The following DLG2 variants were observed in gnomAD, a reference collection of about 807,000 sequenced individuals.
The protein encoded by DLG2 is discs large MAGUK scaffold protein 2.
A neutral mutation model predicts 132.5 loss-of-function variants in DLG2; 45 were observed. That is an observed-to-expected ratio of 0.34 (90% CI 0.27 to 0.44). DLG2 has a LOEUF of 0.44. Among genes scored for constraint, DLG2 ranks in the 20% least tolerant of loss-of-function variants. The pLI is 1.00. For missense variants in DLG2, 1,045 were observed against 1,196.9 expected (o/e 0.87, Z 1.87); for synonymous variants, 424 against 419.6 (o/e 1.01, Z -0.13).
At chr11:85,203,901 A>C (rs1257707988) in intron 4 of DLG2, among the ~76,000 whole-genome samples, 1 of 152,100 alleles carries the variant, frequency 6.6e-6, no homozygotes, top group East Asian at 1.9e-4. Flanking sequence ...CAATCAACAT[A>C]ATACATCACA....
intron 3 of DLG2, among the ~76,000 whole-genome samples, chr11:85,497,159 C>A (rs543863036): frequency 3.2e-4 from 48 of 151,876 alleles, no homozygotes; most frequent in African/African-American, 1.1e-3. Context: ...TCTAACCCGT[C>A]GCAAGGAAGT....
intron 19 of DLG2, among the ~76,000 whole-genome samples, chr11:83,548,653 G>A (rs17522472): frequency 0.022 from 3,354 of 152,184 alleles, 73 homozygotes; most frequent in African/African-American, 0.055. Flanking sequence ...TTGAATCCCT[G>A]TAAACAGTTT....
chr11:85,240,088 G>T (rs1565202527), intron 4 of DLG2, among the ~76,000 whole-genome samples: 1 of 151,772 alleles, frequency 6.6e-6, no homozygotes, highest in Non-Finnish European at 1.5e-5. Context: ...TTCCCATCTA[G>T]AAGACTATAA....
intron 21 of DLG2, chr11:83,486,193 C>G: frequency 1.5e-6 from 1 of 682,262 alleles, no homozygotes; most frequent in East Asian, 2.7e-5. Context: ...ACTAAATATT[C>G]TTGCATCACT....
Position 84,687,934 on chromosome 11 carries a change from G to A in DLG2, c.358-153203C>T, listed in dbSNP as rs958554257. Among the ~76,000 whole-genome samples, 3 of 152,064 alleles carry A rather than the reference G, an allele frequency of 2.0e-5. No individual in the cohort carries two copies. The South Asian group carries it at 6.2e-4, about 32-fold the overall frequency. ...CAGATGCAAATAAAATACCAGGTGG[G>A]TTCCACAGTACTGCATTTAAGTACT... On this transcript the variant is annotated intron_variant, in intron 6 of 27. Coordinates refer to ENST00000376104, the MANE Select transcript of DLG2 (RefSeq NM_001142699.3).
intron 6 of DLG2, among the ~76,000 whole-genome samples, chr11:84,832,810 T>C (rs560787899): frequency 2.6e-5 from 4 of 151,614 alleles, no homozygotes; most frequent in Admixed American, 1.3e-4. Context: ...CAGAAAGCAA[T>C]TCCCCCCTCC....
At chr11:85,264,671 A>T (rs1449567647) in intron 4 of DLG2, among the ~76,000 whole-genome samples, 1 of 152,136 alleles carries the variant, frequency 6.6e-6, no homozygotes, top group African/African-American at 2.4e-5. Flanking sequence ...ACAGCACCGT[A>T]TCCACATGGA....
chr11:84,222,496 T>G (rs892248633), intron 8 of DLG2, among the ~76,000 whole-genome samples: 4 of 152,250 alleles, frequency 2.6e-5, no homozygotes, highest in Non-Finnish European at 5.9e-5. Context: ...GGCTATAAAA[T>G]GTCGATTTTC....
intron 3 of DLG2, among the ~76,000 whole-genome samples, chr11:85,340,494 G>T (rs1472263385): frequency 6.6e-6 from 1 of 152,010 alleles, no homozygotes; most frequent in African/African-American, 2.4e-5. Flanking sequence ...TGTTGGGCGG[G>T]TGGGGGCTGG....
At chr11:84,419,152 G>C (rs1358473402) in intron 7 of DLG2, among the ~76,000 whole-genome samples, 2 of 150,176 alleles carry the variant, frequency 1.3e-5, no homozygotes, top group Non-Finnish European at 2.9e-5. Flanking sequence ...AAAGAGGGGA[G>C]GAATAGGGAG....
intron 7 of DLG2, among the ~76,000 whole-genome samples, chr11:84,284,511 A>C (rs1483894476): frequency 6.6e-6 from 1 of 152,266 alleles, no homozygotes; most frequent in Non-Finnish European, 1.5e-5. Context: ...TCATATGCCC[A>C]GTACTATAAG....
chr11:85,106,141 TCTC>T (rs1223172597), intron 6 of DLG2, among the ~76,000 whole-genome samples: 12 of 150,894 alleles, frequency 8.0e-5, no homozygotes, highest in African/African-American at 2.9e-4. Context: ...CAAAAGAACA[TCTC>T]CTCTGGTTTC....
chr11:84,514,451 C>T (rs2099266498), intron 7 of DLG2, among the ~76,000 whole-genome samples: 1 of 152,068 alleles, frequency 6.6e-6, no homozygotes. Flanking sequence ...AAGTGTCCAT[C>T]AACACATGGA....
chr11:84,161,973 C>A (rs1227316328), intron 9 of DLG2, among the ~76,000 whole-genome samples: 2 of 152,084 alleles, frequency 1.3e-5, no homozygotes, highest in Admixed American at 1.3e-4. Flanking sequence ...ACTTAAGTTT[C>A]AACGTATATT....
chr11:85,147,181 C>T (rs1264800388), intron 5 of DLG2, among the ~76,000 whole-genome samples: 6 of 152,170 alleles, frequency 3.9e-5, no homozygotes, highest in Non-Finnish European at 2.9e-5. Flanking sequence ...CTACTGTGAT[C>T]ACTCACCTAA....
chr11:84,499,758 C>T (rs540778152), intron 7 of DLG2, among the ~76,000 whole-genome samples: 3 of 152,220 alleles, frequency 2.0e-5, no homozygotes, highest in African/African-American at 7.2e-5. Flanking sequence ...TCCTCTCTCT[C>T]TCTCTCTCTC....
chr11:84,972,057 G>T (rs72957713), intron 6 of DLG2, among the ~76,000 whole-genome samples: 94 of 152,082 alleles, frequency 6.2e-4, no homozygotes, highest in Non-Finnish European at 9.6e-4. Context: ...TGACTCAGAG[G>T]GGGGGAAAAC....
chr11:84,868,417 T>C lies in DLG2; in HGVS notation c.357+243244A>G, dbSNP rs375916065. On this transcript the variant is annotated intron_variant, in intron 6 of 27. Transcript: ENST00000376104. ...GTCATTCTGCATTCATTGCTTCAAG[T>C]AAGAGATAGTTCCAAAACAAACAAA... 2.6e-4 allele frequency among the ~76,000 whole-genome samples: 39 copies of C among 152,254 alleles called. No homozygotes were observed. The East Asian group carries it at 5.6e-3, about 22-fold the overall frequency.
intron 6 of DLG2, among the ~76,000 whole-genome samples, chr11:84,889,935 G>T (rs956796583): frequency 6.6e-6 from 1 of 152,088 alleles, no homozygotes; most frequent in Non-Finnish European, 1.5e-5. Context: ...TTCTAATCTG[G>T]CTTTACATTT....
Sources: allele counts gnomAD v4.1 joint callset (sites outside exome capture counted in the v4.1 genomes callset), GRCh38; gene constraint gnomAD v4.1.1; transcripts MANE v1.5; gene names NCBI Gene and HGNC (gene_info 2026-07-23, HGNC 2026-07-21).